The following FSTL4 variants were observed in gnomAD, a reference collection of about 807,000 sequenced individuals.
The protein encoded by FSTL4 is follistatin-related protein 4.
Under a neutral mutation model 78.2 loss-of-function variants are expected in FSTL4, and 28 were observed. The observed-to-expected ratio is 0.36, with a 90% CI of 0.27 to 0.49. The LOEUF (loss-of-function observed/expected upper bound fraction) is 0.49, where lower values mean the gene tolerates loss of function less well. Ranked by LOEUF, FSTL4 falls within the 20% of genes least tolerant of loss-of-function variation. The probability of loss-of-function intolerance (pLI) is 0.98; values close to 1 mark genes in which losing one functional copy is unlikely to be tolerated. For synonymous variants in FSTL4, 422 were observed against 440.5 expected, an observed-to-expected ratio of 0.96 and a Z score of 0.53; for missense variants, 922 against 1,084.9, an observed-to-expected ratio of 0.85 and a Z score of 2.11.
the FSTL4 span, among the ~76,000 whole-genome samples, chr5:133,700,218 T>TCACCACACCAAAC: frequency 1.3e-5 from 1 of 78,862 alleles, no homozygotes; most frequent in Non-Finnish European, 2.5e-5. Flanking sequence ...TCACACAAAG[T>TCACCACACCAAAC]CACCACACCA....
chr5:133,626,624 T>C, the FSTL4 span, among the ~76,000 whole-genome samples: 1 of 151,954 alleles, frequency 6.6e-6, no homozygotes, highest in Non-Finnish European at 1.5e-5. Context: ...TTTATTTCCT[T>C]TGAGACTTCC....
intron 3 of FSTL4, among the ~76,000 whole-genome samples, chr5:133,429,156 G>A (rs761922663): frequency 9.9e-5 from 15 of 152,106 alleles, no homozygotes; most frequent in Admixed American, 3.9e-4. Context: ...TTTGCCCCTC[G>A]TTGGCTCACA....
At chr5:133,542,832 T>G (rs1191023925) in intron 3 of FSTL4, among the ~76,000 whole-genome samples, 1 of 152,128 alleles carries the variant, frequency 6.6e-6, no homozygotes, top group Non-Finnish European at 1.5e-5. Context: ...CCCTCTCTCC[T>G]CTTTCCTTTA....
At chr5:133,513,904 C>T (rs548273574) in intron 3 of FSTL4, among the ~76,000 whole-genome samples, 4 of 152,208 alleles carry the variant, frequency 2.6e-5, no homozygotes, top group South Asian at 2.1e-4. Context: ...CGGGGCCGGG[C>T]GCGGTGGCTC....
the FSTL4 span, among the ~76,000 whole-genome samples, chr5:133,766,277 G>A: frequency 2.0e-5 from 3 of 152,022 alleles, no homozygotes; most frequent in Non-Finnish European, 4.4e-5. Flanking sequence ...AAGAGGAAAA[G>A]GGGAAAAGGA....
chr5:133,792,531 C>T, the FSTL4 span, among the ~76,000 whole-genome samples: 2 of 152,214 alleles, frequency 1.3e-5, no homozygotes, highest in African/African-American at 4.8e-5. Flanking sequence ...TTCATCCATG[C>T]ACATCCATGT....
intron 4 of FSTL4, among the ~76,000 whole-genome samples, chr5:133,369,107 T>C (rs2126941222): frequency 6.6e-6 from 1 of 152,348 alleles, no homozygotes. Flanking sequence ...TGCAGGGTTC[T>C]GGCAGGCACA....
At chr5:133,503,399 C>T (rs1304118068) in intron 3 of FSTL4, among the ~76,000 whole-genome samples, 5 of 152,172 alleles carry the variant, frequency 3.3e-5, no homozygotes, top group Admixed American at 2.0e-4. Flanking sequence ...AAAATTCCTG[C>T]AAATTTAACA....
intron 4 of FSTL4, among the ~76,000 whole-genome samples, chr5:133,357,405 T>C (rs1432570259): frequency 6.6e-6 from 1 of 152,120 alleles, no homozygotes; most frequent in Non-Finnish European, 1.5e-5. Context: ...TCAGCCTGGC[T>C]CACAGGAGAT....
chr5:133,793,579 G>A, the FSTL4 span, among the ~76,000 whole-genome samples: 3 of 152,268 alleles, frequency 2.0e-5, no homozygotes, highest in Non-Finnish European at 4.4e-5. Context: ...TGTGTCAGGA[G>A]TTCGTGTTTT....
intron 3 of FSTL4, among the ~76,000 whole-genome samples, chr5:133,407,351 T>C (rs1274091558): frequency 6.6e-6 from 1 of 152,254 alleles, no homozygotes; most frequent in Non-Finnish European, 1.5e-5. Flanking sequence ...AGGTGACTGC[T>C]GGGCAGATGT....
At chr5:133,210,844 T>C (rs1750686065) in intron 13 of FSTL4, 1 of 152,144 alleles carries the variant, frequency 6.6e-6, no homozygotes, top group African/African-American at 2.4e-5. Context: ...GCATGTTACT[T>C]AAAGGGACCT....
At position 133,308,174 on chromosome 5, in the gene FSTL4, C is replaced by A. The variant is rs566093926; in HGVS notation, c.727+4480G>T. Among the ~76,000 whole-genome samples the A allele has an allele frequency of 2.0e-4, 30 of 152,316 alleles. No homozygotes were observed. In the South Asian group the frequency reaches 6.2e-3, roughly 32 times the overall value. Reference sequence around the variant, plus strand: ...AGGGACCAAGGGCAGTGAATCAGTTCTTCGGCCACTTTATTTGCAAATCCT... The same window carrying A: ...AGGGACCAAGGGCAGTGAATCAGTTATTCGGCCACTTTATTTGCAAATCCT... On this transcript the variant is annotated intron_variant, in intron 6 of 15. Transcript: ENST00000265342.
rs545954676 is a variant in FSTL4, at chr5:133,438,442, T to C, written c.161-37456A>G. On this transcript the variant is annotated intron_variant, in intron 3 of 15. Coordinates refer to ENST00000265342, the MANE Select transcript of FSTL4 (RefSeq NM_015082.2). ...TTGGTTGGAAGGAGAATATATGATA[T>C]TGGTGGTAGGAATTATATTAGGGGT... 9.9e-5 allele frequency among the ~76,000 whole-genome samples: 15 copies of C among 152,284 alleles called. 1 individual carries two copies. The highest frequency in any genetic ancestry group is 3.4e-3 in the Middle Eastern group (1 of 294).
At chr5:133,486,791 T>C (rs1407239802) in intron 3 of FSTL4, among the ~76,000 whole-genome samples, 4 of 152,132 alleles carry the variant, frequency 2.6e-5, no homozygotes, top group African/African-American at 9.7e-5. Context: ...AGAAGGAACT[T>C]TGAACCACAC....
chr5:133,667,968 T>C, the FSTL4 span, among the ~76,000 whole-genome samples: 1 of 152,212 alleles, frequency 6.6e-6, no homozygotes, highest in East Asian at 1.9e-4. Context: ...TTTGGCTAAA[T>C]TAGGGACTCA....
At chr5:133,358,899 C>A (rs1459193924) in intron 4 of FSTL4, among the ~76,000 whole-genome samples, 1 of 152,108 alleles carries the variant, frequency 6.6e-6, no homozygotes, top group Admixed American at 6.5e-5. Flanking sequence ...AGCACATACT[C>A]CCTGAAGACA....
At chr5:133,764,300 C>T in the FSTL4 span, among the ~76,000 whole-genome samples, 1 of 152,156 alleles carries the variant, frequency 6.6e-6, no homozygotes, top group African/African-American at 2.4e-5. Context: ...GGGATCAGAG[C>T]AGCCCAGGTT....
At chr5:133,345,937 G>T (rs973592028) in intron 4 of FSTL4, among the ~76,000 whole-genome samples, 4 of 152,168 alleles carry the variant, frequency 2.6e-5, no homozygotes, top group Non-Finnish European at 2.9e-5. Flanking sequence ...AAAGACACAT[G>T]CACATGTATG....
Sources: allele counts gnomAD v4.1 joint callset (sites outside exome capture counted in the v4.1 genomes callset), GRCh38; gene constraint gnomAD v4.1.1; transcripts MANE v1.5; gene names NCBI Gene and HGNC (gene_info 2026-07-23, HGNC 2026-07-21).